SLC9A9: variants seen among roughly 807,000 people sequenced by gnomAD.
SLC9A9 encodes solute carrier family 9 member A9.
A neutral mutation model predicts 77.8 loss-of-function variants in SLC9A9; 62 were observed. The ratio of observed to expected loss-of-function variants is 0.80; its 90% confidence interval spans 0.65 to 0.98. The LOEUF (loss-of-function observed/expected upper bound fraction) is 0.98. SLC9A9 is among the 50% of genes least tolerant of loss of function. The pLI is 0.00. For synonymous variants in SLC9A9, 320 were observed against 283.5 expected, an observed-to-expected ratio of 1.13 and a Z score of -1.29; for missense variants, 775 against 774.9, an observed-to-expected ratio of 1.00 and a Z score of 0.00.
intron 9 of SLC9A9, among the ~76,000 whole-genome samples, chr3:143,497,332 C>T (rs957106463): frequency 1.3e-5 from 2 of 152,320 alleles, no homozygotes; most frequent in Non-Finnish European, 2.9e-5. Flanking sequence ...TCATTCCCTA[C>T]TCTCAGCCCA....
rs538630468 is a variant in SLC9A9, at chr3:143,471,762, C to T, written c.1316-4572G>A. On this transcript the variant is annotated intron_variant, in intron 11 of 15. Transcript: ENST00000316549. ...TGGGTTTACTTTGCAGAGATTTTGA[C>T]ATATTTCATATGCCCAGTTGGAAAT... Among the ~76,000 whole-genome samples the T allele has an allele frequency of 4.6e-5, 7 of 152,280 alleles. No homozygotes were observed. The East Asian group carries it at 1.4e-3, about 29-fold the overall frequency.
chr3:143,324,473 A>G (rs2031517297), intron 14 of SLC9A9, among the ~76,000 whole-genome samples: 1 of 152,168 alleles, frequency 6.6e-6, no homozygotes, highest in African/African-American at 2.4e-5. Context: ...AGTGAGAATG[A>G]TAGTAAATGG....
intron 11 of SLC9A9, among the ~76,000 whole-genome samples, chr3:143,481,951 T>C (rs925587136): frequency 6.6e-6 from 1 of 152,236 alleles, no homozygotes; most frequent in Non-Finnish European, 1.5e-5. Flanking sequence ...CTGTCATTGA[T>C]GTCTGCTGGA....
intron 1 of SLC9A9, among the ~76,000 whole-genome samples, chr3:143,845,344 A>T (rs931457182): frequency 2.0e-5 from 3 of 152,212 alleles, no homozygotes; most frequent in Non-Finnish European, 2.9e-5. Context: ...CTATCATTAA[A>T]AAGTGTTTAC....
At chr3:143,743,871 G>A (rs1364342916) in intron 4 of SLC9A9, among the ~76,000 whole-genome samples, 1 of 152,236 alleles carries the variant, frequency 6.6e-6, no homozygotes, top group African/African-American at 2.4e-5. Context: ...AGGCATGAGA[G>A]TGAGGAGAAG....
At position 143,633,796 on chromosome 3, in the gene SLC9A9, A is replaced by T. The variant is rs561812325; in HGVS notation, c.755+18459T>A. On this transcript the variant is annotated intron_variant, in intron 6 of 15. Transcript: ENST00000316549. ...TGAATTTTATTTAGGAAGAGTATTA[A>T]TATTCTAAAATTCTAAAATATGCTT... Among the ~76,000 whole-genome samples, 5 of 152,328 alleles carry T rather than the reference A, an allele frequency of 3.3e-5. No individual in the cohort carries two copies. In the South Asian group the frequency reaches 1.0e-3, roughly 32 times the overall value.
chr3:143,749,691 G>C (rs560554613), intron 4 of SLC9A9, among the ~76,000 whole-genome samples: 1 of 152,192 alleles, frequency 6.6e-6, no homozygotes, highest in Non-Finnish European at 1.5e-5. Flanking sequence ...GGACGAAGTG[G>C]TTCAATAGTT....
chr3:143,463,610 A>C (rs2035234643), intron 12 of SLC9A9, among the ~76,000 whole-genome samples: 1 of 152,202 alleles, frequency 6.6e-6, no homozygotes, highest in Non-Finnish European at 1.5e-5. Context: ...GGAGAACCGG[A>C]TTTTAATCAA....
intron 4 of SLC9A9, among the ~76,000 whole-genome samples, chr3:143,733,519 G>A (rs1029791400): frequency 6.6e-6 from 1 of 152,086 alleles, no homozygotes; most frequent in African/African-American, 2.4e-5. Context: ...CAGCAAGGGA[G>A]CCCACCTCAT....
intron 4 of SLC9A9, among the ~76,000 whole-genome samples, chr3:143,779,875 T>C (rs2007816257): frequency 6.6e-6 from 1 of 152,240 alleles, no homozygotes. Flanking sequence ...GAAATTATTT[T>C]CTAAAGCATG....
chr3:143,710,108 T>A (rs753940848), intron 4 of SLC9A9, among the ~76,000 whole-genome samples: 1 of 152,206 alleles, frequency 6.6e-6, no homozygotes, highest in Non-Finnish European at 1.5e-5. Context: ...ATGAATTGTA[T>A]CAACTCAGAA....
At chr3:143,324,063 G>T (rs1341932957) in intron 14 of SLC9A9, among the ~76,000 whole-genome samples, 2 of 152,084 alleles carry the variant, frequency 1.3e-5, no homozygotes, top group Non-Finnish European at 2.9e-5. Flanking sequence ...CCAGGTGGAA[G>T]TTACGTCCCC....
intron 9 of SLC9A9, chr3:143,517,086 TC>T (rs2036213763): frequency 9.9e-6 from 13 of 1,307,280 alleles, no homozygotes; most frequent in South Asian, 4.0e-5. Flanking sequence ...TTTTTTTTTT[TC>T]CTTCAGCAAG....
At chr3:143,282,899 GACC>G (rs1228051573) in intron 14 of SLC9A9, among the ~76,000 whole-genome samples, 1 of 152,106 alleles carries the variant, frequency 6.6e-6, no homozygotes, top group Non-Finnish European at 1.5e-5. Context: ...CTGGATCCAG[GACC>G]CAATTCAAAT....
In SLC9A9 at chr3:143,266,599, AAT is replaced by A; in HGVS notation, c.*101_*102del. 1 of 1,148,534 alleles carries A rather than the reference AAT, an allele frequency of 8.7e-7. No individual in the cohort carries two copies. The highest frequency in any genetic ancestry group is 1.3e-6 in the Non-Finnish European group (1 of 775,152). 71.1% of individuals were successfully genotyped at this position (1,148,534 alleles called of 1,614,324 possible). A position where few individuals can be genotyped will look rare whatever the true frequency, so the allele number is the denominator to read the frequency against. Reference sequence around the variant, plus strand: ...TTGATTCTCTCCAATTTATGCTCTTAATATGTTTTCCAGCCTCTCCCCTGTAC... The same window carrying A: ...TTGATTCTCTCCAATTTATGCTCTTAATGTTTTCCAGCCTCTCCCCTGTAC... On this transcript the variant is annotated 3_prime_UTR_variant, in exon 16 of 16. Transcript: ENST00000316549.
intron 14 of SLC9A9, among the ~76,000 whole-genome samples, chr3:143,315,148 C>G (rs558228979): frequency 5.9e-5 from 9 of 152,270 alleles, no homozygotes; most frequent in East Asian, 1.9e-4. Flanking sequence ...GTAAACCAAA[C>G]AAAGAACATC....
chr3:143,359,998 G>A (rs759998703), intron 14 of SLC9A9, among the ~76,000 whole-genome samples: 96 of 152,146 alleles, frequency 6.3e-4, no homozygotes, highest in Non-Finnish European at 1.1e-3. Flanking sequence ...ATTATTCATT[G>A]TTTGAATGGT....
At chr3:143,628,895 T>G (rs1275796097) in intron 6 of SLC9A9, among the ~76,000 whole-genome samples, 1 of 152,162 alleles carries the variant, frequency 6.6e-6, no homozygotes, top group Non-Finnish European at 1.5e-5. Flanking sequence ...GATTAATATA[T>G]TCAAAACTTC....
At chr3:143,713,858 T>C (rs768920269) in intron 4 of SLC9A9, among the ~76,000 whole-genome samples, 4 of 152,194 alleles carry the variant, frequency 2.6e-5, no homozygotes, top group Non-Finnish European at 5.9e-5. Context: ...AAGCAGAGAC[T>C]GTAAGAGGAA....
Sources: allele counts gnomAD v4.1 joint callset (sites outside exome capture counted in the v4.1 genomes callset), GRCh38; gene constraint gnomAD v4.1.1; transcripts MANE v1.5; gene names NCBI Gene and HGNC (gene_info 2026-07-23, HGNC 2026-07-21).